Variants in STIM1 observed in about 807,000 individuals in gnomAD.
The protein encoded by STIM1 is stromal interaction molecule 1.
STIM1 carries 25 observed loss-of-function variants against 74.7 expected under a neutral mutation model. That is an observed-to-expected ratio of 0.33 (90% CI 0.24 to 0.47). The LOEUF (loss-of-function observed/expected upper bound fraction) is 0.47. Among genes scored for constraint, STIM1 ranks in the 20% least tolerant of loss-of-function variants. The pLI is 1.00. For missense variants in STIM1, 728 were observed against 920.8 expected, an observed-to-expected ratio of 0.79 and a Z score of 2.71; for synonymous variants, 328 against 348.8, an observed-to-expected ratio of 0.94 and a Z score of 0.66.
chr11:4,014,634 A>G (rs1346585061), intron 2 of STIM1, among the ~76,000 whole-genome samples: 1 of 152,118 alleles, frequency 6.6e-6, no homozygotes, highest in South Asian at 2.1e-4. Context: ...TTATCTGTCT[A>G]ATATTGACAG....
At chr11:3,947,486 A>G (rs2093092552) in intron 1 of STIM1, 1 of 152,156 alleles carries the variant, frequency 6.6e-6, no homozygotes, top group African/African-American at 2.4e-5. Context: ...CTGATGTTGA[A>G]TATATGTCTC....
chr11:3,916,151 C>T (rs2092639564), intron 1 of STIM1, among the ~76,000 whole-genome samples: 1 of 152,198 alleles, frequency 6.6e-6, no homozygotes, highest in Non-Finnish European at 1.5e-5. Context: ...TGGGTTTGCT[C>T]CTATGTTTTA....
intron 1 of STIM1, among the ~76,000 whole-genome samples, chr11:3,923,410 A>T (rs942043171): frequency 5.3e-5 from 8 of 151,960 alleles, no homozygotes; most frequent in Non-Finnish European, 1.0e-4. Context: ...GGAGTTTGAG[A>T]CCAGCCTGGG....
At position 4,010,719 on chromosome 11, in the gene STIM1, CT is replaced by C. The variant is rs1019390637; in HGVS notation, c.271-13146del. Among the ~76,000 whole-genome samples the C allele has an allele frequency of 2.6e-5, 4 of 151,682 alleles. No homozygotes were observed. In the South Asian group the frequency reaches 8.3e-4, roughly 32 times the overall value. Reference sequence around the variant, plus strand: ...CTATGGGTTCTGCCTTTCTTTCTTTCTTTTTTTTATTATTATATATTTTAAG... The same window carrying C: ...CTATGGGTTCTGCCTTTCTTTCTTTCTTTTTTTATTATTATATATTTTAAG... On this transcript the variant is annotated intron_variant, in intron 2 of 12. Transcript: ENST00000526596.
At chr11:3,922,676 G>C (rs1221437945) in intron 1 of STIM1, 5 of 196,754 alleles carry the variant, frequency 2.5e-5, no homozygotes, top group Admixed American at 1.8e-4. Flanking sequence ...CTCGGTAGCT[G>C]GTGATTGGAA....
intron 1 of STIM1, among the ~76,000 whole-genome samples, chr11:3,914,503 G>A (rs971714993): frequency 3.3e-5 from 5 of 152,066 alleles, no homozygotes; most frequent in South Asian, 2.1e-4. Flanking sequence ...GTACAGTGGC[G>A]CAGTCTCAGC....
chr11:3,856,481 T>G (rs2090375737), intron 1 of STIM1, 72 bp downstream of exon 1: 1 of 1,554,424 alleles, frequency 6.4e-7, no homozygotes, highest in South Asian at 1.2e-5. Context: ...AGTGGGCAAG[T>G]TGAAATCTAG....
intron 3 of STIM1, among the ~76,000 whole-genome samples, chr11:4,038,794 C>A (rs945843013): frequency 3.9e-5 from 6 of 152,148 alleles, no homozygotes; most frequent in African/African-American, 1.4e-4. Context: ...ATGTATCTTT[C>A]ACTTGGTTCC....
At chr11:3,944,171 GC>G (rs1193387828) in intron 1 of STIM1, among the ~76,000 whole-genome samples, 5 of 152,212 alleles carry the variant, frequency 3.3e-5, no homozygotes, top group African/African-American at 1.2e-4. Flanking sequence ...TTAGGCTGGG[GC>G]CAAATTCTAT....
At chr11:3,967,812 TC>T in intron 2 of STIM1, 130 bp downstream of exon 2, 1 of 1,334,258 alleles carries the variant, frequency 7.5e-7, no homozygotes, top group Non-Finnish European at 1.0e-6. Flanking sequence ...CTCATCCCTA[TC>T]AGGGAAGATG....
Position 3,856,337 on chromosome 11 carries a change from C to T in STIM1, c.67C>T (p.Leu23Phe). Residue 23 changes from leucine (L) to phenylalanine (F), a missense_variant, in exon 1 of 13, where the codon CTC (leucine) becomes TTC (phenylalanine). By Grantham distance (22) the Leu-to-Phe change is conservative. Coordinates refer to ENST00000526596, the MANE Select transcript of STIM1 (RefSeq NM_001382567.1). ...ACTCCTCCTGCACCAGGGCCAGAGC[C>T]TCAGCCATAGTCACAGTGAGAAGGC... ...WGLLLHQGQS[L>F]SHSHSEKATG... 6.2e-7 allele frequency: 1 copy of T among 1,614,220 alleles called. No individual in the cohort carries two copies. Among genetic ancestry groups the T allele is most frequent in the Non-Finnish European group, 8.5e-7 (1 of 1,180,032 alleles).
chr11:3,961,761 G>T (rs1298923921), intron 1 of STIM1, among the ~76,000 whole-genome samples: 1 of 152,036 alleles, frequency 6.6e-6, no homozygotes, highest in East Asian at 1.9e-4. Context: ...GCCTGCCTCG[G>T]CCTCCTAAGA....
chr11:3,940,828 A>G (rs969960091), intron 1 of STIM1, among the ~76,000 whole-genome samples: 1 of 152,196 alleles, frequency 6.6e-6, no homozygotes, highest in African/African-American at 2.4e-5. Flanking sequence ...GAAACAGAGA[A>G]GTTTGGACTT....
chr11:3,868,013 A>G (rs1402565232), intron 1 of STIM1: 2 of 152,096 alleles, frequency 1.3e-5, no homozygotes, highest in African/African-American at 4.8e-5. Flanking sequence ...TGTTCGAACA[A>G]ATGTGTCTGT....
chr11:4,018,880 A>G (rs1400681565), intron 2 of STIM1: 1 of 151,894 alleles, frequency 6.6e-6, no homozygotes, highest in Admixed American at 6.6e-5. Flanking sequence ...TTTCTCCCAC[A>G]CCTCTTTTAA....
intron 2 of STIM1, among the ~76,000 whole-genome samples, chr11:3,972,256 T>A (rs2093403409): frequency 6.6e-6 from 1 of 152,246 alleles, no homozygotes; most frequent in Non-Finnish European, 1.5e-5. Flanking sequence ...ACAGATCTTT[T>A]AAAATTTTTG....
intron 1 of STIM1, among the ~76,000 whole-genome samples, chr11:3,866,263 G>A (rs925517032): frequency 6.6e-6 from 1 of 151,964 alleles, no homozygotes; most frequent in Non-Finnish European, 1.5e-5. Context: ...TTTATTACCT[G>A]TCCTTCTTTA....
intron 3 of STIM1, among the ~76,000 whole-genome samples, chr11:4,054,295 A>G (rs924032142): frequency 6.6e-6 from 1 of 152,170 alleles, no homozygotes; most frequent in South Asian, 2.1e-4. Flanking sequence ...ATCCCAGGAC[A>G]ATACTAGTAG....
In STIM1 at chr11:4,091,673, C is replaced by G. The variant is rs1164327463; in HGVS notation, c.2026C>G (p.Pro676Ala). 3 of 1,614,120 alleles carry G rather than the reference C, an allele frequency of 1.9e-6. No homozygotes were observed. In the Admixed American group the frequency reaches 5.0e-5, roughly 27 times the overall value. Residue 676 changes from proline to alanine, a missense_variant, in exon 13 of 13, where the codon CCC becomes GCC. Physicochemically the swap from Pro to Ala is conservative, Grantham distance 27 (BLOSUM62 -1). Around this residue, in one of 5 missense-constraint regions of STIM1, gnomAD observed 352 missense variants for 370.1 expected, o/e 0.95. Transcript: ENST00000526596. ...GCAAGCCAGCCGAAACACACGCATTCCCCACCTGGCTGGCAAGAAGGCTGT... is the reference window on the plus strand; with the variant it reads ...GCAAGCCAGCCGAAACACACGCATTGCCCACCTGGCTGGCAAGAAGGCTGT... ...ALQASRNTRI[P>A]HLAGKKAVAE...
Sources: allele counts gnomAD v4.1 joint callset (sites outside exome capture counted in the v4.1 genomes callset), GRCh38; gene constraint gnomAD v4.1.1; regional missense constraint gnomAD v4.1.1; transcripts MANE v1.5; gene names NCBI Gene and HGNC (gene_info 2026-07-23, HGNC 2026-07-21).